The following PAPPA2 variants were observed in gnomAD, a reference collection of about 807,000 sequenced individuals.
PAPPA2 encodes pappalysin-2.
In PAPPA2, 86 loss-of-function variants were observed where a neutral mutation model predicts 176.4. The observed-to-expected ratio is 0.49, with a 90% CI of 0.41 to 0.58. The LOEUF (loss-of-function observed/expected upper bound fraction) is 0.58, where lower values mean the gene tolerates loss of function less well. Among genes scored for constraint, PAPPA2 ranks in the 20% least tolerant of loss-of-function variants. The pLI, the probability that PAPPA2 is intolerant of heterozygous loss-of-function variation, is 0.00. For missense variants in PAPPA2, 2,073 were observed against 2,256.9 expected, an observed-to-expected ratio of 0.92 and a Z score of 1.65; for synonymous variants, 809 against 852.2, an observed-to-expected ratio of 0.95 and a Z score of 0.88.
intron 21 of PAPPA2, among the ~76,000 whole-genome samples, chr1:176,832,455 C>T (rs138156386): frequency 3.0e-4 from 46 of 152,214 alleles, no homozygotes; most frequent in African/African-American, 9.9e-4. Context: ...CAGGCTCAAG[C>T]GATTCTCCTG....
intron 21 of PAPPA2, among the ~76,000 whole-genome samples, chr1:176,833,066 C>T (rs974303325): frequency 2.0e-5 from 3 of 152,148 alleles, no homozygotes; most frequent in Non-Finnish European, 2.9e-5. Context: ...GACGCGCAGT[C>T]GGCATTCCTC....
At chr1:176,694,471 C>A (rs1305189352) in intron 6 of PAPPA2, among the ~76,000 whole-genome samples, 2 of 152,216 alleles carry the variant, frequency 1.3e-5, no homozygotes, top group Non-Finnish European at 2.9e-5. Flanking sequence ...CGGCACAATG[C>A]CAGTTATGTG....
At chr1:176,651,767 G>A (rs1174366875) in intron 3 of PAPPA2, among the ~76,000 whole-genome samples, 2 of 151,240 alleles carry the variant, frequency 1.3e-5, no homozygotes, top group East Asian at 2.0e-4. Context: ...AACACCAATA[G>A]TTCTTAGATT....
intron 1 of PAPPA2, among the ~76,000 whole-genome samples, chr1:176,485,134 G>A (rs1204997467): frequency 6.6e-6 from 1 of 152,138 alleles, no homozygotes; most frequent in African/African-American, 2.4e-5. Context: ...GAAATCTTCT[G>A]GCCTTTTTAT....
intron 21 of PAPPA2, among the ~76,000 whole-genome samples, chr1:176,816,600 T>C (rs146592293): frequency 1.3e-5 from 2 of 152,088 alleles, no homozygotes; most frequent in Admixed American, 1.3e-4. Context: ...TCTCCTGTTG[T>C]CTTTTTTTTT....
intron 3 of PAPPA2, among the ~76,000 whole-genome samples, chr1:176,639,295 C>CT (rs1395621345): frequency 6.6e-6 from 1 of 152,050 alleles, no homozygotes; most frequent in Non-Finnish European, 1.5e-5. Flanking sequence ...TAGGGAAGCT[C>CT]TTAGACAGAG....
At chr1:176,722,482 A>G (rs372609645) in intron 12 of PAPPA2, among the ~76,000 whole-genome samples, 3 of 149,242 alleles carry the variant, frequency 2.0e-5, no homozygotes, top group African/African-American at 7.4e-5. Flanking sequence ...AGGGGTCTCA[A>G]CTAAAAGCTT....
chr1:176,536,203 G>A (rs1650058538), intron 1 of PAPPA2, among the ~76,000 whole-genome samples: 1 of 152,166 alleles, frequency 6.6e-6, no homozygotes, highest in African/African-American at 2.4e-5. Flanking sequence ...TTTGTCTAAT[G>A]TTTTCTTTTC....
At chr1:176,500,509 T>C (rs1335984842) in intron 1 of PAPPA2, among the ~76,000 whole-genome samples, 1 of 148,364 alleles carries the variant, frequency 6.7e-6, no homozygotes, top group Non-Finnish European at 1.5e-5. Context: ...AATTTATTTA[T>C]ACATTTATAT....
At chr1:176,477,679 A>C (rs1284496828) in intron 1 of PAPPA2, among the ~76,000 whole-genome samples, 1 of 152,158 alleles carries the variant, frequency 6.6e-6, no homozygotes, top group Non-Finnish European at 1.5e-5. Context: ...TGGGAGGTGG[A>C]AGTTGCAGTG....
At chr1:176,723,130 CTT>C (rs1661701877) in intron 12 of PAPPA2, among the ~76,000 whole-genome samples, 1 of 152,104 alleles carries the variant, frequency 6.6e-6, no homozygotes, top group Non-Finnish European at 1.5e-5. Flanking sequence ...ACAGAGCTCA[CTT>C]TTATATAAAA....
rs766601091 is a variant in PAPPA2, at chr1:176,594,648, G to T, written c.1044G>T (p.Lys348Asn). The T allele has an allele frequency of 1.2e-6, 2 of 1,614,240 alleles. No homozygotes were observed. Among genetic ancestry groups the T allele is most frequent in the Non-Finnish European group, 1.7e-6 (2 of 1,180,046 alleles). The change falls in exon 3 of 23, where the codon AAG becomes AAT. Residue 348 changes from lysine to asparagine, a missense_variant. Around this residue, in one of 4 missense-constraint regions of PAPPA2, gnomAD observed 1,196 missense variants for 1,330.4 expected, o/e 0.90. Transcript: ENST00000367662. ...FFFSLCTDRV[K>N]KATILISHSR... ...TCTCCCTCTGCACCGACCGCGTGAA[G>T]AAAGCCACCATCTTGATTAGCCACA...
intron 2 of PAPPA2, among the ~76,000 whole-genome samples, chr1:176,588,979 G>C (rs969601256): frequency 6.6e-6 from 1 of 152,156 alleles, no homozygotes; most frequent in Admixed American, 6.5e-5. Context: ...GTTCACCAGG[G>C]ATAGAGTCGC....
rs546259450 is a variant in PAPPA2, at chr1:176,688,240, A to G, written c.2138-1897A>G. 7.9e-4 allele frequency among the ~76,000 whole-genome samples: 121 copies of G among 152,360 alleles called. 3 individuals are homozygous for G. In the South Asian group the frequency reaches 0.018, roughly 23 times the overall value. The stretch of plus-strand genomic sequence containing the variant: ...GTAGAAGTGTGGTGGAGGAAAAAGG[A>G]TGAAAAAGGTGAAGGCACCTGGAAA... On this transcript the variant is annotated intron_variant, in intron 4 of 22. Transcript: ENST00000367662.
intron 1 of PAPPA2, among the ~76,000 whole-genome samples, chr1:176,471,316 G>T (rs1356041852): frequency 3.3e-5 from 5 of 152,104 alleles, no homozygotes; most frequent in African/African-American, 1.2e-4. Flanking sequence ...ACTCTCATTT[G>T]CTTTGCCATT....
intron 1 of PAPPA2, among the ~76,000 whole-genome samples, chr1:176,488,661 A>G (rs1479469781): frequency 6.6e-6 from 1 of 152,194 alleles, no homozygotes; most frequent in Non-Finnish European, 1.5e-5. Flanking sequence ...CTTTGTAAAT[A>G]CTATCATTTG....
chr1:176,517,800 G>T (rs192597428), intron 1 of PAPPA2, among the ~76,000 whole-genome samples: 96 of 152,260 alleles, frequency 6.3e-4, no homozygotes, highest in Middle Eastern at 3.4e-3. Context: ...TTTAAAGGTC[G>T]AAGGGTGACT....
chr1:176,779,065 C>T (rs1241325657), intron 17 of PAPPA2, among the ~76,000 whole-genome samples: 1 of 152,136 alleles, frequency 6.6e-6, no homozygotes, highest in East Asian at 1.9e-4. Flanking sequence ...TTGTTGAATT[C>T]ATAAATTTCC....
intron 3 of PAPPA2, among the ~76,000 whole-genome samples, chr1:176,603,624 T>C (rs1471023212): frequency 6.6e-6 from 1 of 152,176 alleles, no homozygotes; most frequent in Non-Finnish European, 1.5e-5. Flanking sequence ...CTACTACTTA[T>C]CCTTCAAGTC....
Sources: allele counts gnomAD v4.1 joint callset (sites outside exome capture counted in the v4.1 genomes callset), GRCh38; gene constraint gnomAD v4.1.1; regional missense constraint gnomAD v4.1.1; transcripts MANE v1.5; gene names NCBI Gene and HGNC (gene_info 2026-07-23, HGNC 2026-07-21).